CAMTA1: variants seen among roughly 807,000 people sequenced by gnomAD.
CAMTA1 encodes calmodulin-binding transcription activator 1.
A neutral mutation model predicts 170.9 loss-of-function variants in CAMTA1; 27 were observed. That is an observed-to-expected ratio of 0.16 (90% CI 0.12 to 0.22). CAMTA1 has a LOEUF of 0.22. CAMTA1 is among the 10% of genes least tolerant of loss of function. CAMTA1 has a pLI of 1.00. For synonymous variants in CAMTA1, 833 were observed against 891.5 expected (o/e 0.93, Z 1.17); for missense variants, 1,619 against 2,217.2 (o/e 0.73, Z 5.42).
At chr1:7,326,815 C>T (rs2082708962) in intron 5 of CAMTA1, among the ~76,000 whole-genome samples, 1 of 152,146 alleles carries the variant, frequency 6.6e-6, no homozygotes, top group African/African-American at 2.4e-5. Flanking sequence ...CCCCAAGAAA[C>T]TAATACAATG....
chr1:7,043,031 T>C (rs7527426), intron 3 of CAMTA1, among the ~76,000 whole-genome samples: 107,339 of 152,102 alleles, frequency 0.71, 38,837 homozygotes, highest in African/African-American at 0.87. Flanking sequence ...TGTGCTGCAG[T>C]GTGCTCTGGG....
chr1:6,926,435 T>C (rs1359294307), intron 3 of CAMTA1, among the ~76,000 whole-genome samples: 18 of 116,932 alleles, frequency 1.5e-4, no homozygotes, highest in African/African-American at 5.8e-4. Context: ...CTTTCTTTCT[T>C]TTCTCTTTCT....
intron 18 of CAMTA1, 89 bp downstream of exon 18, chr1:7,746,180 CTAT>C: frequency 1.4e-6 from 2 of 1,459,998 alleles, no homozygotes; most frequent in Admixed American, 4.4e-5. Flanking sequence ...AAAACATTTA[CTAT>C]TTCTTTTTTT....
chr1:6,983,234 G>A (rs1377750307), intron 3 of CAMTA1, among the ~76,000 whole-genome samples: 1 of 152,104 alleles, frequency 6.6e-6, no homozygotes, highest in East Asian at 1.9e-4. Flanking sequence ...TTCTATCTTG[G>A]TGCCATGGTC....
rs570979488 is a variant in CAMTA1 at position 7,383,623 on chromosome 1, C to G, written c.439-84207C>G. Reference sequence around the variant, plus strand: ...GCACAGAGTGAGCTCCATGTAAGTGCTAGCTCAGGATGATGGGGGTGAGGT... The same window carrying G: ...GCACAGAGTGAGCTCCATGTAAGTGGTAGCTCAGGATGATGGGGGTGAGGT... On this transcript the variant is annotated intron_variant, in intron 5 of 22. Coordinates refer to ENST00000303635, the MANE Select transcript of CAMTA1 (RefSeq NM_015215.4). 3.3e-4 allele frequency among the ~76,000 whole-genome samples: 50 copies of G among 152,148 alleles called. 1 individual carries two copies. Among genetic ancestry groups the G allele is most frequent in the African/African-American group, 1.2e-3 (50 of 41,500 alleles).
Position 7,738,270 on chromosome 1 carries a change from A to G in CAMTA1, c.3970A>G (p.Lys1324Glu). The G allele has an allele frequency of 1.2e-6, 2 of 1,614,114 alleles. No individual in the cohort carries two copies. The change falls in exon 16 of 23, where the codon AAA (lysine) becomes GAA (glutamate). Residue 1324 changes from lysine to glutamate, a missense_variant. This residue lies in a region of CAMTA1 where 370 missense variants were observed against 429.4 expected (regional missense o/e 0.86). Transcript: ENST00000303635. This position sits in a 1 kb window ranked among gnomAD's most constrained non-coding sequence, Gnocchi z 4.9. Reference sequence around the variant, plus strand: ...TCAGCCTGTAGGAAAGTGGAATTCCAAAGATCTTTACATTGGTGTGTCTAC... The same window carrying G: ...TCAGCCTGTAGGAAAGTGGAATTCCGAAGATCTTTACATTGGTGTGTCTAC... ...GSQPVGKWNS[K>E]DLYIGVSTVQ... is the part of the protein sequence containing the mutation.
intron 3 of CAMTA1, among the ~76,000 whole-genome samples, chr1:6,929,488 C>T (rs775575623): frequency 5.3e-5 from 8 of 152,148 alleles, no homozygotes; most frequent in South Asian, 2.1e-4. Flanking sequence ...TCAAGCCTCC[C>T]GAGTAGCTGG....
intron 22 of CAMTA1, among the ~76,000 whole-genome samples, chr1:7,764,936 G>T (rs2097007055): frequency 1.3e-5 from 2 of 151,788 alleles, no homozygotes; most frequent in Admixed American, 1.3e-4. Flanking sequence ...CTCCAGCCTG[G>T]GCAACAGAGT....
chr1:6,983,930 G>A (rs1484066559), intron 3 of CAMTA1, among the ~76,000 whole-genome samples: 8 of 150,504 alleles, frequency 5.3e-5, no homozygotes, highest in Non-Finnish European at 1.2e-4. Flanking sequence ...GTAAATGGGT[G>A]GATGGGTGGG....
chr1:7,310,678 T>TTCTTTCTTTCTCTCTCTCTCTC (rs1676483647), intron 5 of CAMTA1, among the ~76,000 whole-genome samples: 1 of 34,612 alleles, frequency 2.9e-5, no homozygotes, highest in African/African-American at 1.4e-4. Context: ...TTTCCTTTCT[T>TTCTTTCTTTCTCTCTCTCTCTC]TCTCTCTCTC....
intron 3 of CAMTA1, among the ~76,000 whole-genome samples, chr1:6,948,563 G>T (rs1571958036): frequency 6.6e-6 from 1 of 152,156 alleles, no homozygotes; most frequent in African/African-American, 2.4e-5. Context: ...GAGCTCAAGT[G>T]ACTTTCCTGG....
At chr1:7,574,970 C>T (rs1345976339) in intron 6 of CAMTA1, among the ~76,000 whole-genome samples, 1 of 152,236 alleles carries the variant, frequency 6.6e-6, no homozygotes, top group Non-Finnish European at 1.5e-5. Flanking sequence ...AGCCTAGTGG[C>T]AGCCGCATGT....
At chr1:7,690,993 T>G (rs3124801) in intron 11 of CAMTA1, among the ~76,000 whole-genome samples, 96,157 of 152,054 alleles carry the variant, frequency 0.63, 30,642 homozygotes, top group East Asian at 0.89. Flanking sequence ...ACGTGATGAG[T>G]ATCAGAAGAA....
chr1:7,401,018 A>C (rs1302909701), intron 5 of CAMTA1, among the ~76,000 whole-genome samples: 1 of 152,160 alleles, frequency 6.6e-6, no homozygotes, highest in African/African-American at 2.4e-5. Context: ...GGTGTTCTTA[A>C]TTTTGATGAA....
At chr1:6,826,589 G>A (rs811400) in intron 3 of CAMTA1, among the ~76,000 whole-genome samples, 99,659 of 152,064 alleles carry the variant, frequency 0.66, 33,090 homozygotes, top group Admixed American at 0.75. Flanking sequence ...TCCCTGAAAC[G>A]TAGATTTGAT....
At chr1:7,666,737 G>T (rs1014020580) in intron 9 of CAMTA1, among the ~76,000 whole-genome samples, 7 of 152,096 alleles carry the variant, frequency 4.6e-5, no homozygotes, top group African/African-American at 1.7e-4. Context: ...CTTCTTCCCC[G>T]CTGGCAAAGC....
chr1:7,263,784 C>A (rs1668510860), intron 5 of CAMTA1, among the ~76,000 whole-genome samples: 1 of 152,186 alleles, frequency 6.6e-6, no homozygotes, highest in Non-Finnish European at 1.5e-5. Context: ...CTTAGAATAT[C>A]AGAAGAGGCT....
At chr1:7,613,755 G>C (rs1234701084) in intron 6 of CAMTA1, among the ~76,000 whole-genome samples, 1 of 150,906 alleles carries the variant, frequency 6.6e-6, no homozygotes, top group Non-Finnish European at 1.5e-5. Context: ...CGGAGGAGTA[G>C]GGGGAGCAGG....
rs185295248 is a variant in CAMTA1, at chr1:6,828,345, G to A, written c.234+3135G>A. Among the ~76,000 whole-genome samples the A allele has an allele frequency of 2.3e-4, 31 of 136,738 alleles. No individual in the cohort carries two copies. In the East Asian group the frequency reaches 6.4e-3, roughly 28 times the overall value. 89.7% of individuals were successfully genotyped at this position (136,738 alleles called of 152,430 possible). A position where few individuals can be genotyped will look rare whatever the true frequency, so the allele number is the denominator to read the frequency against. ...TCTCACTCTTTCACCAGGCTGGAGT[G>A]CAGTGGCATGATCTTGGCTCACTGC... On this transcript the variant is annotated intron_variant, in intron 3 of 22. Transcript: ENST00000303635.
Sources: gnomAD v4.1 joint callset for allele counts (sites outside exome capture counted in the v4.1 genomes callset) on GRCh38, gnomAD v4.1.1 for gene constraint, gnomAD v4.1.1 regional missense constraint, Gnocchi (gnomAD v3.1) non-coding constraint, MANE v1.5 for transcripts, NCBI Gene and HGNC (gene_info 2026-07-23, HGNC 2026-07-21) for gene names.